Variants in GLT8D2 observed in about 807,000 individuals in gnomAD.
GLT8D2 encodes the protein glycosyltransferase 8 domain containing 2, also known as glycosyltransferase 8 domain-containing protein 2.
Under a neutral mutation model 44.5 loss-of-function variants are expected in GLT8D2, and 45 were observed. That is an observed-to-expected ratio of 1.01 (90% CI 0.80 to 1.30). The LOEUF (loss-of-function observed/expected upper bound fraction) is 1.30. GLT8D2 is among the 50% of genes most tolerant of loss of function. The pLI is 0.00. For synonymous variants in GLT8D2, 156 were observed against 157.2 expected (o/e 0.99, Z 0.06); for missense variants, 400 against 430.4 (o/e 0.93, Z 0.62).
intron 1 of GLT8D2, among the ~76,000 whole-genome samples, chr12:104,041,718 G>C (rs1593568732): frequency 1.3e-5 from 2 of 152,162 alleles, no homozygotes; most frequent in East Asian, 1.9e-4. Context: ...CAGGCACCCA[G>C]GCACTAGAGA....
intron 1 of GLT8D2, among the ~76,000 whole-genome samples, chr12:104,023,740 T>C (rs1034042328): frequency 5.3e-5 from 8 of 152,226 alleles, no homozygotes; most frequent in African/African-American, 1.7e-4. Flanking sequence ...TCTCTGTCTC[T>C]GTAGTTTTGT....
In GLT8D2 at chr12:104,019,584, C is replaced by T. The variant is rs754424308; in HGVS notation, c.19+46G>A. On this transcript the variant is annotated intron_variant, in intron 3 of 10. Transcript: ENST00000360814. The stretch of plus-strand genomic sequence containing the variant: ...CAAGCCCCAGCCTCAAAACCATCCT[C>T]CCAAATATGTTTTTAAATCATTATT... The T allele has an allele frequency of 3.7e-5, 55 of 1,492,646 alleles. 1 individual carries two copies. In the South Asian group the frequency reaches 6.1e-4, roughly 16 times the overall value. 92.5% of individuals were successfully genotyped at this position (1,492,646 alleles called of 1,614,324 possible). A position where few individuals can be genotyped will look rare whatever the true frequency, so the allele number is the denominator to read the frequency against.
intron 2 of GLT8D2, among the ~76,000 whole-genome samples, chr12:104,020,663 G>A (rs111932025): frequency 1.3e-4 from 20 of 152,334 alleles, no homozygotes; most frequent in African/African-American, 4.6e-4. Context: ...GGTAGGGAGT[G>A]CATCAGGAGG....
At position 103,998,543 on chromosome 12, in the gene GLT8D2, G is replaced by A. The variant is rs146461226; in HGVS notation, c.402+854C>T. On this transcript the variant is annotated intron_variant, in intron 6 of 10. Transcript: ENST00000360814. ...TCCTGCCTCAGACTCCCGAGTAGCCGGGGCTACAGGTGCCTGCCACCATGC... is the reference window on the plus strand; with the variant it reads ...TCCTGCCTCAGACTCCCGAGTAGCCAGGGCTACAGGTGCCTGCCACCATGC... Among the ~76,000 whole-genome samples the A allele has an allele frequency of 7.8e-3, 1,193 of 152,068 alleles. 13 individuals are homozygous for A. Among genetic ancestry groups the A allele is most frequent in the African/African-American group, 0.026 (1,065 of 41,484 alleles).
chr12:104,002,522 G>A (rs1031610485), intron 5 of GLT8D2, among the ~76,000 whole-genome samples: 4 of 152,012 alleles, frequency 2.6e-5, no homozygotes, highest in Non-Finnish European at 4.4e-5. Context: ...GATGATTTCT[G>A]GGCTCAGAGA....
intron 4 of GLT8D2, among the ~76,000 whole-genome samples, chr12:104,007,085 T>C (rs1875127712): frequency 6.6e-6 from 1 of 152,200 alleles, no homozygotes; most frequent in Admixed American, 6.5e-5. Context: ...TTAATTATTC[T>C]TTTGAGCCTG....
Position 103,989,441 on chromosome 12 carries a change from A to G in GLT8D2, c.1017T>C (p.Pro339=). 2 of 1,613,230 alleles carry G rather than the reference A, an allele frequency of 1.2e-6. No individual in the cohort carries two copies. Among genetic ancestry groups the G allele is most frequent in the Non-Finnish European group, 1.7e-6 (2 of 1,179,598 alleles). ...DLWESWFVPD[P]AGIFKLNHHS ...GGTGATTGAGTTTAAATATCCCTGC[A>G]GGGTCAGGAACAAACCAGCTTTCCC... The change falls in exon 11 of 11, where the codon CCT becomes CCC. Residue 339 remains proline (P), a synonymous_variant. Coordinates refer to ENST00000360814, the MANE Select transcript of GLT8D2 (RefSeq NM_001384711.1).
chr12:104,008,688 C>T (rs933040309), intron 4 of GLT8D2, among the ~76,000 whole-genome samples: 9 of 152,282 alleles, frequency 5.9e-5, no homozygotes, highest in Admixed American at 5.2e-4. Flanking sequence ...TTCACAGCTG[C>T]CCCTGCCATC....
chr12:104,027,927 G>A (rs1878778153), intron 1 of GLT8D2, among the ~76,000 whole-genome samples: 1 of 152,200 alleles, frequency 6.6e-6, no homozygotes, highest in Non-Finnish European at 1.5e-5. Context: ...ATTTCACCGT[G>A]TGTTGATGAA....
In GLT8D2 at chr12:104,003,157, G is replaced by C; in HGVS notation, c.262C>G (p.Arg88Gly). Reference sequence around the variant, plus strand: ...TACCGTATTCGAGTCAGAGTATTCCGGAGTCCCACTACATAGAACAAGATG... The same window carrying C: ...TACCGTATTCGAGTCAGAGTATTCCCGAGTCCCACTACATAGAACAAGATG... ...ANILFYVVGL[R>G]NTLTRIRKWI... Residue 88 changes from arginine to glycine, a missense_variant, in exon 5 of 11, where the codon CGG (arginine) becomes GGG (glycine). Transcript: ENST00000360814. 1 of 1,614,022 alleles carries C rather than the reference G, an allele frequency of 6.2e-7. No individual in the cohort carries two copies. The highest frequency in any genetic ancestry group is 1.1e-5 in the South Asian group (1 of 91,068).
At chr12:104,040,465 G>A (rs1326896509) in intron 1 of GLT8D2, among the ~76,000 whole-genome samples, 5 of 151,862 alleles carry the variant, frequency 3.3e-5, no homozygotes, top group African/African-American at 4.8e-5. Flanking sequence ...TTGTTCTGTC[G>A]CCCAGGCTGG....
chr12:104,004,866 A>C (rs1233163404), intron 4 of GLT8D2, among the ~76,000 whole-genome samples: 1 of 152,212 alleles, frequency 6.6e-6, no homozygotes, highest in African/African-American at 2.4e-5. Flanking sequence ...TTCTTCACAG[A>C]ATTGGAAAAA....
chr12:104,045,925 A>AAGAAAGAAAGAAAG (rs1881063409), intron 1 of GLT8D2, among the ~76,000 whole-genome samples: 1 of 148,856 alleles, frequency 6.7e-6, no homozygotes, highest in Admixed American at 6.7e-5. Flanking sequence ...GAAAGAAAGA[A>AAGAAAGAAAGAAAG]AGAAAGAAAG....
At chr12:104,027,443 G>A (rs2136413910) in intron 1 of GLT8D2, among the ~76,000 whole-genome samples, 1 of 152,278 alleles carries the variant, frequency 6.6e-6, no homozygotes, top group Middle Eastern at 3.4e-3. Flanking sequence ...AGTCCCTCAG[G>A]CCATCCACTT....
chr12:104,048,253 A>G (rs1314463090), intron 1 of GLT8D2, among the ~76,000 whole-genome samples: 2 of 152,248 alleles, frequency 1.3e-5, no homozygotes, highest in East Asian at 3.8e-4. Context: ...GTGTGCTCCT[A>G]GAAATGTTAA....
At chr12:104,037,386 G>T (rs1436657282) in intron 1 of GLT8D2, among the ~76,000 whole-genome samples, 1 of 152,012 alleles carries the variant, frequency 6.6e-6, no homozygotes, top group African/African-American at 2.4e-5. Flanking sequence ...CTGGTTTTTT[G>T]AAAAGGTCAA....
intron 1 of GLT8D2, among the ~76,000 whole-genome samples, chr12:104,023,899 G>A (rs2722170): frequency 0.35 from 52,741 of 152,018 alleles, 9,465 homozygotes; most frequent in African/African-American, 0.4. Flanking sequence ...ATGGTATTCC[G>A]TTGAATGGAT....
chr12:103,998,972 A>G (rs1190201599), intron 6 of GLT8D2, among the ~76,000 whole-genome samples: 4 of 152,220 alleles, frequency 2.6e-5, no homozygotes, highest in African/African-American at 7.2e-5. Flanking sequence ...AGTCAATACT[A>G]TGAAGTATAT....
At chr12:104,018,885 A>G (rs958958473) in intron 3 of GLT8D2, among the ~76,000 whole-genome samples, 4 of 152,206 alleles carry the variant, frequency 2.6e-5, no homozygotes, top group Non-Finnish European at 5.9e-5. Context: ...TTAGGTTACT[A>G]TGTTTCTCCT....
Sources: gnomAD v4.1 joint callset for allele counts (sites outside exome capture counted in the v4.1 genomes callset) on GRCh38, gnomAD v4.1.1 for gene constraint, MANE v1.5 for transcripts, NCBI Gene and HGNC (gene_info 2026-07-23, HGNC 2026-07-21) for gene names.